The following CES5A variants were observed in gnomAD, a reference collection of about 807,000 sequenced individuals.
The protein encoded by CES5A is carboxylesterase 5A, also known as carboxylesterase 5.
CES5A carries 67 observed loss-of-function variants against 62.9 expected under a neutral mutation model. That is an observed-to-expected ratio of 1.07 (90% CI 0.88 to 1.31). The LOEUF (loss-of-function observed/expected upper bound fraction) is 1.31. Among genes scored for constraint, CES5A ranks in the 50% most tolerant of loss-of-function variants. The pLI, the probability that CES5A is intolerant of heterozygous loss-of-function variation, is 0.00. For synonymous variants in CES5A, 296 were observed against 280.8 expected, an observed-to-expected ratio of 1.05 and a Z score of -0.54; for missense variants, 748 against 708.5, an observed-to-expected ratio of 1.06 and a Z score of -0.63.
chr16:55,895,589 T>C (rs2033923449), intron 1 of CES5A, among the ~76,000 whole-genome samples: 1 of 152,250 alleles, frequency 6.6e-6, no homozygotes, highest in Admixed American at 6.5e-5. Context: ...GTGCTACCAT[T>C]GTTATCTTGG....
intron 1 of CES5A, among the ~76,000 whole-genome samples, chr16:55,923,297 C>A (rs1213439139): frequency 6.6e-6 from 1 of 151,010 alleles, no homozygotes; most frequent in Non-Finnish European, 1.5e-5. Context: ...AAAAGAGAGA[C>A]AACTCACATA....
At position 55,873,936 on chromosome 16, in the gene CES5A, C is replaced by G. The variant is rs747900232; in HGVS notation, c.175G>C (p.Gly59Arg). ...GSPVPVNVFL[G>R]VPFAAPPLGS... ...AGCGGGGGAGCAGCAAAGGGGACTC[C>G]GAGGAACACGTTCACAGGCACAGGG... Residue 59 changes from glycine to arginine, a missense_variant, in exon 2 of 13, where the codon GGA becomes CGA. By Grantham distance (125) the Gly-to-Arg change is moderately radical. Coordinates refer to ENST00000290567, the MANE Select transcript of CES5A (RefSeq NM_001143685.2). 1.2e-6 allele frequency: 2 copies of G among 1,613,744 alleles called. No individual in the cohort carries two copies. Among genetic ancestry groups the G allele is most frequent in the Non-Finnish European group, 1.7e-6 (2 of 1,179,944 alleles).
rs578102698 is a variant in CES5A, at chr16:55,919,632, C to T, written c.-256+5691G>A. Among the ~76,000 whole-genome samples the T allele has an allele frequency of 1.6e-4, 25 of 152,286 alleles. 1 individual carries two copies. In the South Asian group the frequency reaches 5.2e-3, roughly 32 times the overall value. ...ACTAGCCACATACTGATGAAACAAC[C>T]TTTGTGAATGATTTTCTTTTAAGAT... On this transcript the variant is annotated intron_variant, in intron 1 of 12. Coordinates refer to the CES5A transcript ENST00000518005.
intron 1 of CES5A, among the ~76,000 whole-genome samples, chr16:55,954,660 G>A (rs930963085): frequency 1.3e-5 from 2 of 152,150 alleles, no homozygotes; most frequent in Non-Finnish European, 2.9e-5. Flanking sequence ...CGGGAGAGAG[G>A]TGTGGAACCT....
chr16:55,876,271 A>T (rs80258299), upstream of CES5A, among the ~76,000 whole-genome samples: 1,867 of 152,234 alleles, frequency 0.012, 65 homozygotes, highest in East Asian at 0.11. Context: ...TTTTCTTTAA[A>T]TTGACATTTT....
At chr16:55,865,881 A>G (rs1314784604) in intron 5 of CES5A, 82 bp downstream of exon 5, 3 of 1,480,984 alleles carry the variant, frequency 2.0e-6, no homozygotes, top group Non-Finnish European at 1.9e-6. Flanking sequence ...CATGAAGGCA[A>G]CAATCAAATG....
intron 2 of CES5A, among the ~76,000 whole-genome samples, chr16:55,937,430 T>A (rs1597157637): frequency 6.6e-6 from 1 of 152,210 alleles, no homozygotes; most frequent in East Asian, 1.9e-4. Flanking sequence ...CATCCTGAAG[T>A]GACATGTGAC....
intron 1 of CES5A, among the ~76,000 whole-genome samples, chr16:55,904,231 T>C (rs1166643553): frequency 6.6e-6 from 1 of 152,226 alleles, no homozygotes; most frequent in Non-Finnish European, 1.5e-5. Context: ...AGAGACCCAG[T>C]TCAACTCACT....
At chr16:55,879,476 G>C (rs1156690405), upstream of CES5A, among the ~76,000 whole-genome samples, 1 of 146,264 alleles carries the variant, frequency 6.8e-6, no homozygotes, top group Non-Finnish European at 1.5e-5. Context: ...CCCTATCACT[G>C]CATCCCATCT....
Position 55,846,398 on chromosome 16 carries a change from C to A in CES5A, c.*53G>T, listed in dbSNP as rs181905558. 2.2e-6 allele frequency: 3 copies of A among 1,371,508 alleles called. No individual in the cohort carries two copies. The highest frequency in any genetic ancestry group is 2.3e-5 in the East Asian group (1 of 43,674). The allele number at this position is 1,371,508 out of a possible 1,614,324, so 85.0% of individuals were successfully genotyped here. On this transcript the variant is annotated 3_prime_UTR_variant, in exon 13 of 13. Coordinates refer to ENST00000290567, the MANE Select transcript of CES5A (RefSeq NM_001143685.2). ...GAGCTCAGAAAGAAGCTAATGATTGCGGGAGAAATTATGGGAGGAGAAGGG... is the reference window on the plus strand; with the variant it reads ...GAGCTCAGAAAGAAGCTAATGATTGAGGGAGAAATTATGGGAGGAGAAGGG...
upstream of CES5A, among the ~76,000 whole-genome samples, chr16:55,877,942 G>T (rs1951612181): frequency 6.6e-6 from 1 of 152,160 alleles, no homozygotes; most frequent in Admixed American, 6.5e-5. Context: ...GATCTGGGAG[G>T]ATGTGCTGGC....
At chr16:55,910,115 C>T (rs1157257715) in intron 1 of CES5A, among the ~76,000 whole-genome samples, 1 of 152,160 alleles carries the variant, frequency 6.6e-6, no homozygotes, top group Non-Finnish European at 1.5e-5. Flanking sequence ...CATTAGACTC[C>T]CTATCTCAGG....
chr16:55,949,792 T>G, exon 2 of CES5A: 1 of 1,470,254 alleles, frequency 6.8e-7, no homozygotes. Context: ...CACCCTCATC[T>G]TTGGAAGTGT....
intron 1 of CES5A, among the ~76,000 whole-genome samples, chr16:55,900,801 C>T (rs2033982671): frequency 6.6e-6 from 1 of 152,240 alleles, no homozygotes; most frequent in Non-Finnish European, 1.5e-5. Flanking sequence ...AACTCACTCA[C>T]ACTCCTTTTA....
At chr16:55,903,733 C>G (rs1396402759) in intron 1 of CES5A, among the ~76,000 whole-genome samples, 1 of 152,206 alleles carries the variant, frequency 6.6e-6, no homozygotes, top group Non-Finnish European at 1.5e-5. Flanking sequence ...TGAGATCTTA[C>G]TGGAGTCTTT....
chr16:55,913,510 A>G (rs1329659525), intron 1 of CES5A, among the ~76,000 whole-genome samples: 2 of 152,138 alleles, frequency 1.3e-5, no homozygotes, highest in African/African-American at 4.8e-5. Flanking sequence ...AGGAAAGAAG[A>G]GGGTCTTTTC....
intron 8 of CES5A, among the ~76,000 whole-genome samples, chr16:55,858,307 G>T (rs577328223): frequency 3.3e-4 from 51 of 152,300 alleles, no homozygotes; most frequent in Admixed American, 7.8e-4. Flanking sequence ...CACTTTAGCT[G>T]CTCTGAGCCT....
intron 1 of CES5A, among the ~76,000 whole-genome samples, chr16:55,901,399 A>G (rs1467377367): frequency 6.6e-6 from 1 of 152,216 alleles, no homozygotes; most frequent in African/African-American, 2.4e-5. Flanking sequence ...AGGAAGGGAA[A>G]TAAAGCCAGC....
exon 1 of CES5A, chr16:55,956,022 G>A (rs140777130): frequency 2.1e-4 from 187 of 908,260 alleles, no homozygotes; most frequent in Non-Finnish European, 2.7e-4. Flanking sequence ...TTCCTCTACC[G>A]TTGCCAGCTG....
Sources: gnomAD v4.1 joint callset for allele counts (sites outside exome capture counted in the v4.1 genomes callset) on GRCh38, gnomAD v4.1.1 for gene constraint, MANE v1.5 for transcripts, NCBI Gene and HGNC (gene_info 2026-07-23, HGNC 2026-07-21) for gene names.